The following CSMD3 variants were observed in gnomAD, a reference collection of about 807,000 sequenced individuals.
CSMD3 encodes the protein CUB and sushi domain-containing protein 3.
CSMD3 carries 177 observed loss-of-function variants against 435.2 expected under a neutral mutation model. The observed-to-expected ratio is 0.41, with a 90% CI of 0.36 to 0.46. The LOEUF (loss-of-function observed/expected upper bound fraction) is 0.46. Ranked by LOEUF, CSMD3 falls within the 20% of genes least tolerant of loss-of-function variation. The pLI is 0.34. For missense variants in CSMD3, 4,265 were observed against 4,504.6 expected (o/e 0.95, Z 1.52); for synonymous variants, 1,656 against 1,520.5 (o/e 1.09, Z -2.07).
intron 16 of CSMD3, among the ~76,000 whole-genome samples, chr8:112,678,657 T>A (rs1344345053): frequency 6.6e-6 from 1 of 152,096 alleles, no homozygotes; most frequent in East Asian, 1.9e-4. Context: ...GTTCTGTAAG[T>A]TCTGATTAAA....
intron 1 of CSMD3, among the ~76,000 whole-genome samples, chr8:113,414,928 T>C (rs1314028316): frequency 2.0e-5 from 3 of 152,050 alleles, no homozygotes; most frequent in Non-Finnish European, 4.4e-5. Context: ...ATTGTGCCAC[T>C]GCGCTCCAGC....
intron 5 of CSMD3, among the ~76,000 whole-genome samples, chr8:113,052,054 C>A (rs549668753): frequency 6.6e-6 from 1 of 152,170 alleles, no homozygotes; most frequent in South Asian, 2.1e-4. Context: ...TTTCATGCAC[C>A]TAACTTGTAG....
chr8:112,260,477 C>A (rs185939730), intron 61 of CSMD3, among the ~76,000 whole-genome samples: 15 of 152,054 alleles, frequency 9.9e-5, no homozygotes, highest in Non-Finnish European at 2.1e-4. Context: ...ACAAAGATAG[C>A]GTTATTACAT....
At chr8:113,316,816 C>A (rs2093914047) in intron 1 of CSMD3, among the ~76,000 whole-genome samples, 1 of 18,768 alleles carries the variant, frequency 5.3e-5, no homozygotes, top group African/African-American at 5.7e-4. Flanking sequence ...TCCAAAAATG[C>A]TGGATTACAG....
chr8:112,746,598 CTCTT>C (rs2077431114), intron 13 of CSMD3, among the ~76,000 whole-genome samples: 1 of 151,774 alleles, frequency 6.6e-6, no homozygotes, highest in African/African-American at 2.4e-5. Flanking sequence ...TAATTAGTAC[CTCTT>C]TCTTTATGGC....
In CSMD3 at chr8:112,886,368, T is replaced by C. The variant is rs536959449; in HGVS notation, c.1634-27102A>G. On this transcript the variant is annotated intron_variant, in intron 10 of 70. Transcript: ENST00000297405. The stretch of plus-strand genomic sequence containing the variant: ...GTCTTTTTCTTTTTTTTTCTTTTTC[T>C]GAAAAGAAAATGAGCAAATTTTTAA... Among the ~76,000 whole-genome samples, 3 of 151,600 alleles carry C rather than the reference T, an allele frequency of 2.0e-5. No homozygotes were observed. The South Asian group carries it at 6.2e-4, about 32-fold the overall frequency.
chr8:112,520,061 TC>T (rs1263030986), intron 27 of CSMD3, among the ~76,000 whole-genome samples: 1 of 152,098 alleles, frequency 6.6e-6, no homozygotes, highest in Non-Finnish European at 1.5e-5. Context: ...TGTATTAATT[TC>T]TTTAAAAATA....
At chr8:112,314,169 C>T (rs1822251282) in intron 48 of CSMD3, 117 bp from the exon 49 acceptor site, 6 of 788,714 alleles carry the variant, frequency 7.6e-6, no homozygotes, top group Non-Finnish European at 1.2e-5. Flanking sequence ...CACCAATCTA[C>T]CTCATTAACA....
At chr8:113,333,482 T>G (rs1162596296) in intron 1 of CSMD3, among the ~76,000 whole-genome samples, 1 of 151,908 alleles carries the variant, frequency 6.6e-6, no homozygotes, top group African/African-American at 2.4e-5. Context: ...AACATTAATT[T>G]TGCTTTCCTG....
chr8:113,208,348 A>C (rs2092794827), intron 3 of CSMD3, among the ~76,000 whole-genome samples: 1 of 152,152 alleles, frequency 6.6e-6, no homozygotes, highest in African/African-American at 2.4e-5. Flanking sequence ...ACCCAAGGCA[A>C]GTTTCTTCTC....
chr8:112,691,946 G>C (rs2076146006), intron 13 of CSMD3, among the ~76,000 whole-genome samples: 1 of 151,780 alleles, frequency 6.6e-6, no homozygotes, highest in Non-Finnish European at 1.5e-5. Flanking sequence ...GACTATAGGT[G>C]CTCGTGCCAC....
rs2075253125 is a variant in CSMD3 at position 112,656,191 on chromosome 8, G to A, written c.2967C>T (p.Asn989=). ...TCTTGAAACCATTATTGGAACGACT[G>A]TTGTCTGTTGTAAATAGAAGGTATA... is the stretch of plus-strand genomic sequence containing the variant. ...NFIYLLFTTD[N]SRSNNGFKIH... The change falls in exon 18 of 71, where the codon AAC becomes AAT. Residue 989 remains asparagine, a synonymous_variant. Transcript: ENST00000297405. 4 of 1,581,010 alleles carry A rather than the reference G, an allele frequency of 2.5e-6. No individual in the cohort carries two copies. The highest frequency in any genetic ancestry group is 3.5e-6 in the Non-Finnish European group (4 of 1,150,538).
intron 38 of CSMD3, among the ~76,000 whole-genome samples, chr8:112,374,211 T>A (rs937495322): frequency 6.6e-6 from 1 of 152,148 alleles, no homozygotes; most frequent in Admixed American, 6.6e-5. Context: ...TATTATAAAA[T>A]TTTAAAAAAT....
chr8:112,630,450 T>C (rs1020744588), intron 22 of CSMD3, among the ~76,000 whole-genome samples: 1 of 152,116 alleles, frequency 6.6e-6, no homozygotes, highest in Admixed American at 6.6e-5. Flanking sequence ...TAAAATGGAA[T>C]GATAATATCT....
At chr8:112,505,680 G>GT (rs141045960) in intron 29 of CSMD3, among the ~76,000 whole-genome samples, 2,638 of 151,388 alleles carry the variant, frequency 0.017, 78 homozygotes, top group African/African-American at 0.06. Context: ...TAGTTATTAC[G>GT]TTTTTTTTCT....
chr8:113,239,486 C>T (rs142690511), intron 3 of CSMD3, among the ~76,000 whole-genome samples: 19 of 132,996 alleles, frequency 1.4e-4, no homozygotes, highest in African/African-American at 5.6e-4. Flanking sequence ...ATTATATATG[C>T]AGTATGTAGT....
chr8:112,789,160 AG>A (rs1159180510), intron 13 of CSMD3, among the ~76,000 whole-genome samples: 1 of 152,128 alleles, frequency 6.6e-6, no homozygotes, highest in Non-Finnish European at 1.5e-5. Context: ...CAGTGCTAAG[AG>A]ACCATCATCA....
Position 113,176,465 on chromosome 8 carries a change from C to T in CSMD3, c.515-2549G>A, listed in dbSNP as rs75057134. On this transcript the variant is annotated intron_variant, in intron 3 of 70. Coordinates refer to ENST00000297405, the MANE Select transcript of CSMD3 (RefSeq NM_198123.2). ...ATGTGTCACTAACTGAAGTACAAAA[C>T]CCACCATCAAAAAAGATTATGTTCT... Among the ~76,000 whole-genome samples the T allele has an allele frequency of 7.5e-3, 1,143 of 152,150 alleles. 12 individuals are homozygous for T. The highest frequency in any genetic ancestry group is 0.024 in the Middle Eastern group (7 of 294).
chr8:113,436,914 G>A lies in CSMD3; in HGVS notation c.-60C>T. 2 of 1,590,508 alleles carry A rather than the reference G, an allele frequency of 1.3e-6. No homozygotes were observed. Among genetic ancestry groups the A allele is most frequent in the Non-Finnish European group, 1.7e-6 (2 of 1,160,886 alleles). ...CCGGCGCAGTGGAGTTGTTGCTGTTGTTGGTGCGCGGTCACAGCTCGGAGT... is the reference window on the plus strand; with the variant it reads ...CCGGCGCAGTGGAGTTGTTGCTGTTATTGGTGCGCGGTCACAGCTCGGAGT... On this transcript the variant is annotated 5_prime_UTR_variant, in exon 1 of 71. Coordinates refer to ENST00000297405, the MANE Select transcript of CSMD3 (RefSeq NM_198123.2).
Sources: allele counts gnomAD v4.1 joint callset (sites outside exome capture counted in the v4.1 genomes callset), GRCh38; gene constraint gnomAD v4.1.1; transcripts MANE v1.5; gene names NCBI Gene and HGNC (gene_info 2026-07-23, HGNC 2026-07-21).